Variants in GBE1 observed in about 807,000 individuals in gnomAD.
GBE1 encodes 1,4-alpha-glucan branching enzyme 1, also known as 1,4-alpha-glucan-branching enzyme.
A neutral mutation model predicts 88.8 loss-of-function variants in GBE1; 70 were observed. The observed-to-expected ratio is 0.79, with a 90% CI of 0.65 to 0.96. The LOEUF (loss-of-function observed/expected upper bound fraction) is 0.96. Among genes scored for constraint, GBE1 ranks in the 40% least tolerant of loss-of-function variants. The pLI is 0.00. For missense variants in GBE1, 872 were observed against 871.0 expected, an observed-to-expected ratio of 1.00 and a Z score of -0.01; for synonymous variants, 284 against 300.1, an observed-to-expected ratio of 0.95 and a Z score of 0.56.
chr3:81,551,411 C>A (rs768274630), intron 12 of GBE1, among the ~76,000 whole-genome samples: 2 of 152,064 alleles, frequency 1.3e-5, no homozygotes, highest in African/African-American at 2.4e-5. Context: ...GAAAGGAAAA[C>A]AAATCCTGGG....
intron 3 of GBE1, among the ~76,000 whole-genome samples, chr3:81,662,493 T>A (rs576006677): frequency 6.6e-6 from 1 of 152,184 alleles, no homozygotes; most frequent in Non-Finnish European, 1.5e-5. Flanking sequence ...CATCATTTAC[T>A]TATGAAAAAG....
chr3:81,643,644 A>G (rs931050267), intron 6 of GBE1, among the ~76,000 whole-genome samples: 5 of 152,120 alleles, frequency 3.3e-5, no homozygotes, highest in Non-Finnish European at 5.9e-5. Flanking sequence ...CACAGCATCA[A>G]CTTTGCCCTT....
At chr3:81,672,155 C>T (rs140249959) in intron 2 of GBE1, among the ~76,000 whole-genome samples, 12 of 151,918 alleles carry the variant, frequency 7.9e-5, no homozygotes, top group South Asian at 4.1e-4. Context: ...TAGTCAGCAA[C>T]GATATAAAAC....
intron 1 of GBE1, among the ~76,000 whole-genome samples, chr3:81,750,691 A>G (rs1706516324): frequency 9.8e-6 from 1 of 101,856 alleles, no homozygotes; most frequent in Non-Finnish European, 1.9e-5. Context: ...ATATATATAT[A>G]TATGTATTTT....
At chr3:81,550,587 A>G (rs1703258604) in intron 12 of GBE1, among the ~76,000 whole-genome samples, 1 of 152,186 alleles carries the variant, frequency 6.6e-6, no homozygotes, top group Admixed American at 6.5e-5. Context: ...AAGTCACAGA[A>G]TGAGACAGAG....
chr3:81,728,587 T>G (rs1000950925), intron 1 of GBE1, among the ~76,000 whole-genome samples: 1 of 151,972 alleles, frequency 6.6e-6, no homozygotes, highest in Non-Finnish European at 1.5e-5. Context: ...TAGCCATATA[T>G]TGCAATGGAT....
chr3:81,574,998 A>G (rs1703625695), intron 12 of GBE1, among the ~76,000 whole-genome samples: 1 of 152,004 alleles, frequency 6.6e-6, no homozygotes, highest in African/African-American at 2.4e-5. Context: ...CACTGTCTCT[A>G]CTAAAAAATA....
At chr3:81,616,972 G>A (rs963133387) in intron 7 of GBE1, among the ~76,000 whole-genome samples, 2 of 151,942 alleles carry the variant, frequency 1.3e-5, no homozygotes, top group African/African-American at 4.8e-5. Context: ...TGTAGGAAGG[G>A]AAAGAGAGAA....
At chr3:81,656,855 C>T (rs1704945905) in intron 3 of GBE1, among the ~76,000 whole-genome samples, 1 of 151,978 alleles carries the variant, frequency 6.6e-6, no homozygotes, top group Non-Finnish European at 1.5e-5. Context: ...AGAGAAGGGA[C>T]TTTAAAAATG....
intron 2 of GBE1, among the ~76,000 whole-genome samples, chr3:81,696,798 C>T (rs914463522): frequency 3.3e-5 from 5 of 152,040 alleles, no homozygotes; most frequent in Admixed American, 1.3e-4. Context: ...TTTTAAAAAG[C>T]AATATGAGGC....
chr3:81,661,520 CA>C (rs1705031676), intron 3 of GBE1, among the ~76,000 whole-genome samples: 1 of 152,178 alleles, frequency 6.6e-6, no homozygotes, highest in Non-Finnish European at 1.5e-5. Flanking sequence ...GCCTGGAATA[CA>C]AACATTTTCC....
chr3:81,750,605 A>ATATATATATATG (rs1559708648), intron 1 of GBE1, among the ~76,000 whole-genome samples: 7 of 35,538 alleles, frequency 2.0e-4, no homozygotes, highest in African/African-American at 8.4e-4. Flanking sequence ...ATATATGTGT[A>ATATATATATATG]TATATATATA....
At position 81,670,961 on chromosome 3, in the gene GBE1, A is replaced by G; in HGVS notation, c.314-8T>C. 1 of 1,415,504 alleles carries G rather than the reference A, an allele frequency of 7.1e-7. No homozygotes were observed. Among genetic ancestry groups the G allele is most frequent in the Non-Finnish European group, 9.7e-7 (1 of 1,034,422 alleles). The allele number at this position is 1,415,504 out of a possible 1,614,324, so 87.7% of individuals were successfully genotyped here. ...AAAATGGATTCCAACCATCTAAAAA[A>G]ATGAAGAAGATCAGTTAACAACAGC... On this transcript the variant is annotated splice_polypyrimidine_tract_variant and splice_region_variant and intron_variant, in intron 2 of 15. Coordinates refer to ENST00000429644, the MANE Select transcript of GBE1 (RefSeq NM_000158.4).
chr3:81,571,476 G>C (rs1230536578), intron 12 of GBE1, among the ~76,000 whole-genome samples: 3 of 152,140 alleles, frequency 2.0e-5, no homozygotes, highest in Admixed American at 1.3e-4. Flanking sequence ...CTTGATTTAA[G>C]TCTGCTAGTT....
At chr3:81,709,941 A>T (rs184971345) in intron 1 of GBE1, among the ~76,000 whole-genome samples, 29 of 152,338 alleles carry the variant, frequency 1.9e-4, no homozygotes, top group Non-Finnish European at 2.9e-4. Flanking sequence ...GTAACCAAGA[A>T]CATAAAATGA....
chr3:81,760,481 T>C (rs117134076), intron 1 of GBE1, among the ~76,000 whole-genome samples: 1 of 152,340 alleles, frequency 6.6e-6, no homozygotes, highest in East Asian at 1.9e-4. Flanking sequence ...ATAGTTTCCA[T>C]TCTGCAGTGT....
At chr3:81,607,053 T>C (rs1704112909) in intron 7 of GBE1, among the ~76,000 whole-genome samples, 1 of 152,200 alleles carries the variant, frequency 6.6e-6, no homozygotes, top group Non-Finnish European at 1.5e-5. Flanking sequence ...GGCTACACCA[T>C]ATTGCCATTT....
rs745594101 is a variant in GBE1, at chr3:81,586,141, C to G, written c.1286G>C (p.Gly429Ala). Residue 429 changes from glycine to alanine, a missense_variant, in exon 10 of 16, where the codon GGT becomes GCT. Physicochemically the swap from Gly to Ala is moderately conservative, Grantham distance 60. Coordinates refer to ENST00000429644, the MANE Select transcript of GBE1 (RefSeq NM_000158.4). ...CATGGCTAGTCGATAGTCAAAACCACCCCCTCCCTGGGAAATTGGAGAGCA... is the reference window on the plus strand; with the variant it reads ...CATGGCTAGTCGATAGTCAAAACCAGCCCCTCCCTGGGAAATTGGAGAGCA... ...ALCSPISQGG[G>A]GFDYRLAMAI... 6 of 1,609,796 alleles carry G rather than the reference C, an allele frequency of 3.7e-6. No homozygotes were observed. Among genetic ancestry groups the G allele is most frequent in the African/African-American group, 1.3e-5 (1 of 74,678 alleles).
At chr3:81,527,847 C>T (rs1373504079) in intron 14 of GBE1, among the ~76,000 whole-genome samples, 2 of 152,006 alleles carry the variant, frequency 1.3e-5, no homozygotes, top group Non-Finnish European at 2.9e-5. Context: ...TACCATTTGA[C>T]CCAGTCATCC....
Sources: gnomAD v4.1 joint callset for allele counts (sites outside exome capture counted in the v4.1 genomes callset) on GRCh38, gnomAD v4.1.1 for gene constraint, MANE v1.5 for transcripts, NCBI Gene and HGNC (gene_info 2026-07-23, HGNC 2026-07-21) for gene names.